Variants in TSEN2 observed in about 807,000 individuals in gnomAD.
The protein encoded by TSEN2 is tRNA-splicing endonuclease subunit Sen2.
TSEN2 carries 54 observed loss-of-function variants against 59.2 expected under a neutral mutation model. The ratio of observed to expected loss-of-function variants is 0.91; its 90% CI spans 0.73 to 1.14. The LOEUF is 1.14. TSEN2 is among the 50% of genes most tolerant of loss of function. The pLI is 0.00. For missense variants in TSEN2, 636 were observed against 576.2 expected (o/e 1.10, Z -1.06); for synonymous variants, 195 against 198.2 (o/e 0.98, Z 0.14).
intron 1 of TSEN2, among the ~76,000 whole-genome samples, chr3:12,485,930 T>C (rs2052568575): frequency 6.6e-6 from 1 of 150,864 alleles, no homozygotes; most frequent in Non-Finnish European, 1.5e-5. Flanking sequence ...ATCAAAAATA[T>C]TTGGAAAAAG....
Position 12,516,670 on chromosome 3 carries a change from C to T in TSEN2, c.960+9C>T, listed in dbSNP as rs752542870. The T allele has an allele frequency of 1.2e-5, 19 of 1,613,410 alleles. No homozygotes were observed. In the Admixed American group the frequency reaches 3.2e-4, roughly 27 times the overall value. ...GTATTTACTATGAGAAGGTAAGATG[C>T]TTTGTTTACATACAACCCACTTAAA... On this transcript the variant is annotated intron_variant, in intron 7 of 11. Transcript: ENST00000284995.
intron 6 of TSEN2, among the ~76,000 whole-genome samples, chr3:12,515,415 A>G (rs2055961885): frequency 6.6e-6 from 1 of 152,248 alleles, no homozygotes; most frequent in Admixed American, 6.5e-5. Context: ...TGCTGGAAGC[A>G]GCAGTGAGAG....
chr3:12,485,254 T>C (rs1392441331), intron 1 of TSEN2, among the ~76,000 whole-genome samples: 1 of 152,204 alleles, frequency 6.6e-6, no homozygotes, highest in Non-Finnish European at 1.5e-5. Context: ...CCAGGAAGGT[T>C]GGAAAATTAA....
At chr3:12,505,255 T>G in intron 6 of TSEN2, 24 bp downstream of exon 6, 1 of 1,495,690 alleles carries the variant, frequency 6.7e-7, no homozygotes, top group Non-Finnish European at 9.3e-7. Context: ...ATATTATTAT[T>G]TCAGCCATCG....
intron 1 of TSEN2, among the ~76,000 whole-genome samples, 174 bp downstream of exon 1, chr3:12,485,054 G>A (rs1344440009): frequency 6.6e-6 from 1 of 152,194 alleles, no homozygotes; most frequent in Non-Finnish European, 1.5e-5. Context: ...CTGGTCATCT[G>A]TTTATATGGC....
chr3:12,522,580 ATAT>A (rs1264665021), intron 8 of TSEN2, among the ~76,000 whole-genome samples: 3 of 152,174 alleles, frequency 2.0e-5, no homozygotes, highest in Admixed American at 6.6e-5. Context: ...CTTTTTAACG[ATAT>A]TATTTTAATT....
At chr3:12,493,188 T>C (rs568475728) in intron 3 of TSEN2, among the ~76,000 whole-genome samples, 66 of 152,332 alleles carry the variant, frequency 4.3e-4, no homozygotes, top group African/African-American at 1.2e-3. Context: ...ACACTTAGAT[T>C]GTTTCTGTAT....
intron 8 of TSEN2, among the ~76,000 whole-genome samples, chr3:12,525,840 C>T (rs930049319): frequency 1.3e-5 from 2 of 151,710 alleles, no homozygotes; most frequent in Admixed American, 6.6e-5. Context: ...GCTGGGATTA[C>T]AGGTGTGAGC....
intron 6 of TSEN2, among the ~76,000 whole-genome samples, chr3:12,509,198 TTTG>T (rs934393079): frequency 7.1e-5 from 9 of 127,488 alleles, no homozygotes; most frequent in East Asian, 5.9e-4. Context: ...TTTGGTTTTT[TTTG>T]TTGTTGTTTT....
At chr3:12,523,452 G>A (rs2056808798) in intron 8 of TSEN2, among the ~76,000 whole-genome samples, 1 of 151,046 alleles carries the variant, frequency 6.6e-6, no homozygotes, top group South Asian at 2.1e-4. Context: ...GTCCGTGAAT[G>A]GAGGTCAACA....
chr3:12,499,890 A>G (rs1430467024), intron 4 of TSEN2, among the ~76,000 whole-genome samples: 2 of 152,148 alleles, frequency 1.3e-5, no homozygotes, highest in African/African-American at 4.8e-5. Context: ...CCCAGAACCT[A>G]TGTGCGCTAA....
intron 1 of TSEN2, among the ~76,000 whole-genome samples, chr3:12,487,586 A>G (rs78537053): frequency 0.034 from 5,199 of 152,266 alleles, 120 homozygotes; most frequent in Non-Finnish European, 0.052. Context: ...AAAAGTCCAA[A>G]CCATTCCTGG....
chr3:12,485,813 G>A (rs1474475094), intron 1 of TSEN2, among the ~76,000 whole-genome samples: 13 of 152,140 alleles, frequency 8.5e-5, no homozygotes, highest in Admixed American at 8.5e-4. Context: ...TTTCCTATAT[G>A]TTTTTGTGCA....
At chr3:12,492,546 A>G (rs1198036870) in intron 3 of TSEN2, among the ~76,000 whole-genome samples, 1 of 152,188 alleles carries the variant, frequency 6.6e-6, no homozygotes, top group African/African-American at 2.4e-5. Context: ...TTTTGTTTCC[A>G]GAATTAGAAT....
At chr3:12,496,379 T>G in intron 3 of TSEN2, 139 bp from the exon 4 acceptor site, 3 of 857,572 alleles carry the variant, frequency 3.5e-6, no homozygotes, top group Non-Finnish European at 5.9e-6. Context: ...AAGCATATTT[T>G]TGCCATTACT....
intron 3 of TSEN2, among the ~76,000 whole-genome samples, chr3:12,493,583 C>T (rs1262275186): frequency 2.0e-5 from 3 of 152,072 alleles, no homozygotes; most frequent in Admixed American, 6.5e-5. Context: ...AAAAATTAGC[C>T]GGGCATGGTG....
chr3:12,512,177 C>T (rs988411119), intron 6 of TSEN2, among the ~76,000 whole-genome samples: 1 of 152,228 alleles, frequency 6.6e-6, no homozygotes, highest in Admixed American at 6.5e-5. Context: ...TCGCATCCCT[C>T]TTCAAGCTAG....
chr3:12,528,164 T>G (rs1420449602), intron 8 of TSEN2, among the ~76,000 whole-genome samples: 3 of 152,232 alleles, frequency 2.0e-5, no homozygotes, highest in African/African-American at 7.2e-5. Context: ...TCACAGTAGC[T>G]GGCCAGAGTA....
At chr3:12,517,096 C>A (rs572717455) in intron 7 of TSEN2, among the ~76,000 whole-genome samples, 1 of 152,138 alleles carries the variant, frequency 6.6e-6, no homozygotes, top group Non-Finnish European at 1.5e-5. Flanking sequence ...GCCTGTAATC[C>A]CAGCACACTG....
Sources: gnomAD v4.1 joint callset for allele counts (sites outside exome capture counted in the v4.1 genomes callset) on GRCh38, gnomAD v4.1.1 for gene constraint, MANE v1.5 for transcripts, NCBI Gene and HGNC (gene_info 2026-07-23, HGNC 2026-07-21) for gene names.